Variants in PCDHGC3 observed in about 807,000 individuals in gnomAD.
PCDHGC3 encodes protocadherin gamma subfamily C, 3.
Under a neutral mutation model 59.2 loss-of-function variants are expected in PCDHGC3, and 26 were observed. That is an observed-to-expected ratio of 0.44 (90% CI 0.32 to 0.61). PCDHGC3 has a LOEUF of 0.61. PCDHGC3 is among the 20% of genes least tolerant of loss of function. The probability of loss-of-function intolerance (pLI) is 0.05; values close to 1 mark genes in which losing one functional copy is unlikely to be tolerated. For synonymous variants in PCDHGC3, 487 were observed against 519.7 expected (o/e 0.94, Z 0.86); for missense variants, 1,080 against 1,221.8 (o/e 0.88, Z 1.73).
Position 141,491,815 on chromosome 5 carries a change from C to T in PCDHGC3, c.2431-2992C>T. The T allele has an allele frequency of 6.7e-7, 1 of 1,485,264 alleles. No individual in the cohort carries two copies. Among genetic ancestry groups the T allele is most frequent in the African/African-American group, 1.4e-5 (1 of 70,622 alleles). The allele number at this position is 1,485,264 out of a possible 1,614,324, so 92.0% of individuals were successfully genotyped here. ...CCTCTCCGGCCGGCTTGGTCGCTGGCTGCGCTCCACCCGATTCTCGGGATC... is the reference window on the plus strand; with the variant it reads ...CCTCTCCGGCCGGCTTGGTCGCTGGTTGCGCTCCACCCGATTCTCGGGATC... On this transcript the variant is annotated intron_variant, in intron 1 of 3. Coordinates refer to ENST00000308177, the MANE Select transcript of PCDHGC3 (RefSeq NM_002588.4). This position sits in a 1 kb window ranked among gnomAD's most constrained non-coding sequence, Gnocchi z 6.9.
At chr5:141,509,015 C>G (rs1370464396) in intron 3 of PCDHGC3, among the ~76,000 whole-genome samples, 2 of 152,098 alleles carry the variant, frequency 1.3e-5, no homozygotes, top group African/African-American at 4.8e-5. Context: ...AAGTGGGCAG[C>G]TGCTCCCTCC....
At position 141,485,396 on chromosome 5, in the gene PCDHGC3, T is replaced by C. The variant is rs1466959644; in HGVS notation, c.2430+6850T>C. 2.5e-6 allele frequency: 4 copies of C among 1,614,042 alleles called. No homozygotes were observed. Among genetic ancestry groups the C allele is most frequent in the Non-Finnish European group, 3.4e-6 (4 of 1,179,960 alleles). On this transcript the variant is annotated intron_variant, in intron 1 of 3. Coordinates refer to ENST00000308177, the MANE Select transcript of PCDHGC3 (RefSeq NM_002588.4). The surrounding 1 kb of genome is among the most constrained non-coding windows in gnomAD (Gnocchi z 5.7). ...CGCTGGAGAGGTGAACCAAAGACAC[T>C]TCCGTGTGGATTTGGACAGCGGAGC...
rs775104626 is a variant in PCDHGC3, at chr5:141,486,636, C to T, written c.2430+8090C>T. On this transcript the variant is annotated intron_variant, in intron 1 of 3. Transcript: ENST00000308177. This position sits in a 1 kb window ranked among gnomAD's most constrained non-coding sequence, Gnocchi z 5.0. ...TCTGACCCAGACTCTGGCTTGAATG[C>T]GCTTATCTCCTACTCACTCCTGGAG... 7 of 1,613,540 alleles carry T rather than the reference C, an allele frequency of 4.3e-6. No individual in the cohort carries two copies. The highest frequency in any genetic ancestry group is 1.3e-5 in the African/African-American group (1 of 74,926).
rs2099642802 is a variant in PCDHGC3, at chr5:141,487,311, CTAAG to C, written c.2431-7494_2431-7491del. The C allele has an allele frequency of 1.2e-6, 2 of 1,614,058 alleles. No individual in the cohort carries two copies. On this transcript the variant is annotated intron_variant, in intron 1 of 3. Coordinates refer to ENST00000308177, the MANE Select transcript of PCDHGC3 (RefSeq NM_002588.4). This position sits in a 1 kb window ranked among gnomAD's most constrained non-coding sequence, Gnocchi z 5.0. ...TTTGGCTCATTCGTGGCACTACTCTCTAAGTGTCTTCGTGGGGCAGCCTGTGGAG... is the reference window on the plus strand; with the variant it reads ...TTTGGCTCATTCGTGGCACTACTCTCTGTCTTCGTGGGGCAGCCTGTGGAG...
At position 141,505,406 on chromosome 5, in the gene PCDHGC3, G is replaced by A. The variant is rs546453598; in HGVS notation, c.2503G>A (p.Asp835Asn). 61 of 1,614,174 alleles carry A rather than the reference G, an allele frequency of 3.8e-5. No individual in the cohort carries two copies. The highest frequency in any genetic ancestry group is 1.1e-4 in the East Asian group (5 of 44,866). ...RPGTSGSQNG[D>N]DTGTWPNNQF... Reference sequence around the variant, plus strand: ...CTCTCTCCCCAGCTCCCAAAATGGCGATGACACCGGCACCTGGCCCAACAA... The same window carrying A: ...CTCTCTCCCCAGCTCCCAAAATGGCAATGACACCGGCACCTGGCCCAACAA... Residue 835 changes from aspartate to asparagine, a missense_variant, in exon 3 of 4, where the codon GAT (aspartate) becomes AAT (asparagine). Transcript: ENST00000308177.
rs2154594676 is a variant in PCDHGC3, at chr5:141,511,333, G to A, written c.*160G>A. 6.9e-7 allele frequency: 1 copy of A among 1,441,948 alleles called. No homozygotes were observed. Among genetic ancestry groups the A allele is most frequent in the Non-Finnish European group, 9.2e-7 (1 of 1,085,894 alleles). The allele number at this position is 1,441,948 out of a possible 1,614,324, so 89.3% of individuals were successfully genotyped here. On this transcript the variant is annotated 3_prime_UTR_variant, in exon 4 of 4. Transcript: ENST00000308177. Reference sequence around the variant, plus strand: ...GGAAACAGAAACAAGTGCCCAGTCAGCACCTACCCCTTCCCCCCCAGGGGG... The same window carrying A: ...GGAAACAGAAACAAGTGCCCAGTCAACACCTACCCCTTCCCCCCCAGGGGG...
In PCDHGC3 at chr5:141,491,081, C is replaced by T; in HGVS notation, c.2431-3726C>T. The T allele has an allele frequency of 6.2e-7, 1 of 1,614,176 alleles. No individual in the cohort carries two copies. The highest frequency in any genetic ancestry group is 8.5e-7 in the Non-Finnish European group (1 of 1,180,010). On this transcript the variant is annotated intron_variant, in intron 1 of 3. Coordinates refer to ENST00000308177, the MANE Select transcript of PCDHGC3 (RefSeq NM_002588.4). The surrounding 1 kb of genome is among the most constrained non-coding windows in gnomAD (Gnocchi z 6.9). Reference sequence around the variant, plus strand: ...TCCTACTCACTGTTGCCACAGTCCACAGCCCCAGGACTGTTCCTCGTGTCT... The same window carrying T: ...TCCTACTCACTGTTGCCACAGTCCATAGCCCCAGGACTGTTCCTCGTGTCT...
chr5:141,491,332 C>T lies in PCDHGC3; in HGVS notation c.2431-3475C>T, dbSNP rs1013118722. 2 of 1,614,072 alleles carry T rather than the reference C, an allele frequency of 1.2e-6. No individual in the cohort carries two copies. The highest frequency in any genetic ancestry group is 2.7e-5 in the African/African-American group (2 of 74,944). On this transcript the variant is annotated intron_variant, in intron 1 of 3. Coordinates refer to ENST00000308177, the MANE Select transcript of PCDHGC3 (RefSeq NM_002588.4). This position sits in a 1 kb window ranked among gnomAD's most constrained non-coding sequence, Gnocchi z 6.9. ...CCTTACCCTTTACCTCATTGTGGCT[C>T]TAGCGACCGTCAGTCTCTTATCCCT...
rs1054594374 is a variant in PCDHGC3 at position 141,489,607 on chromosome 5, A to G, written c.2431-5200A>G. On this transcript the variant is annotated intron_variant, in intron 1 of 3. Coordinates refer to ENST00000308177, the MANE Select transcript of PCDHGC3 (RefSeq NM_002588.4). This position sits in a 1 kb window ranked among gnomAD's most constrained non-coding sequence, Gnocchi z 4.5. ...GGAGCTAATCCGTGTAGAGGTAGAG[A>G]TCCTGGATCTCAATGACAACTCTCC... The G allele has an allele frequency of 6.2e-6, 10 of 1,613,850 alleles. No homozygotes were observed. The highest frequency in any genetic ancestry group is 8.5e-6 in the Non-Finnish European group (10 of 1,179,956).
chr5:141,511,400 T>A lies in PCDHGC3; in HGVS notation c.*227T>A, dbSNP rs1208021848. On this transcript the variant is annotated 3_prime_UTR_variant, in exon 4 of 4. Coordinates refer to ENST00000308177, the MANE Select transcript of PCDHGC3 (RefSeq NM_002588.4). ...AGTTCCGCTGGGAACCCCCATCCAA[T>A]CAACTGCTGTACCCATGGGGGTAGT... 1.1e-5 allele frequency: 11 copies of A among 982,132 alleles called. No individual in the cohort carries two copies. Among genetic ancestry groups the A allele is most frequent in the African/African-American group, 3.3e-5 (2 of 60,924 alleles). 60.8% of individuals were successfully genotyped at this position (982,132 alleles called of 1,614,324 possible).
Position 141,485,785 on chromosome 5 carries a change from G to C in PCDHGC3, c.2430+7239G>C. ...TGGAGAAGCCTTTGGATCGAGAGAAGCAATCGGACTACCGCCTGGTGCTGA... is the reference window on the plus strand; with the variant it reads ...TGGAGAAGCCTTTGGATCGAGAGAACCAATCGGACTACCGCCTGGTGCTGA... On this transcript the variant is annotated intron_variant, in intron 1 of 3. Coordinates refer to ENST00000308177, the MANE Select transcript of PCDHGC3 (RefSeq NM_002588.4). The surrounding 1 kb of genome is among the most constrained non-coding windows in gnomAD (Gnocchi z 5.7). The C allele has an allele frequency of 1.2e-6, 2 of 1,614,214 alleles. No individual in the cohort carries two copies. The highest frequency in any genetic ancestry group is 1.7e-6 in the Non-Finnish European group (2 of 1,180,030).
intron 3 of PCDHGC3, 79 bp downstream of exon 3, chr5:141,505,560 G>A: frequency 6.2e-7 from 1 of 1,604,768 alleles, no homozygotes; most frequent in South Asian, 1.1e-5. Context: ...CATGCCCACG[G>A]ACTGGATGTC....
rs999463482 is a variant in PCDHGC3, at chr5:141,506,400, T to C, written c.2578+919T>C. ...GGAGGTGGCTGTGGTGAGCAGAAAATCGCACCACTGCACTCCAGCCTGGGC... is the reference window on the plus strand; with the variant it reads ...GGAGGTGGCTGTGGTGAGCAGAAAACCGCACCACTGCACTCCAGCCTGGGC... On this transcript the variant is annotated intron_variant, in intron 3 of 3. Coordinates refer to ENST00000308177, the MANE Select transcript of PCDHGC3 (RefSeq NM_002588.4). 1.2e-4 allele frequency among the ~76,000 whole-genome samples: 16 copies of C among 135,754 alleles called. No homozygotes were observed. In the Admixed American group the frequency reaches 1.3e-3, roughly 11 times the overall value. The allele number at this position is 135,754 out of a possible 152,430, so 89.1% of individuals were successfully genotyped here.
In PCDHGC3 at chr5:141,476,686, C is replaced by T. The variant is rs138480390; in HGVS notation, c.570C>T (p.Ser190=). Residue 190 remains serine (S), a synonymous_variant, in exon 1 of 4, where the codon AGC becomes AGT. Coordinates refer to ENST00000308177, the MANE Select transcript of PCDHGC3 (RefSeq NM_002588.4). The surrounding 1 kb of genome is among the most constrained non-coding windows in gnomAD (Gnocchi z 7.6). ...FALRVQTRED[S]TKYAELVLER... is the part of the protein sequence containing the mutation. ...TTCGCGTGCAGACGCGGGAGGACAGCACCAAGTACGCGGAGCTGGTGTTGG... is the reference window on the plus strand; with the variant it reads ...TTCGCGTGCAGACGCGGGAGGACAGTACCAAGTACGCGGAGCTGGTGTTGG... 6.2e-7 allele frequency: 1 copy of T among 1,614,126 alleles called. No homozygotes were observed. The highest frequency in any genetic ancestry group is 1.3e-5 in the African/African-American group (1 of 74,952).
At chr5:141,502,309 T>G (rs1395136136) in intron 2 of PCDHGC3, among the ~76,000 whole-genome samples, 2 of 152,196 alleles carry the variant, frequency 1.3e-5, no homozygotes, top group Admixed American at 6.5e-5. Flanking sequence ...TTTCCTCTCC[T>G]TTAATCTGGA....
chr5:141,497,626 G>T (rs1373764805), intron 2 of PCDHGC3, among the ~76,000 whole-genome samples: 3 of 149,502 alleles, frequency 2.0e-5, no homozygotes, highest in Non-Finnish European at 4.4e-5. Flanking sequence ...TGCAACCTCT[G>T]CCTGCCAGGT....
intron 3 of PCDHGC3, among the ~76,000 whole-genome samples, chr5:141,507,893 G>C (rs750472786): frequency 2.2e-4 from 33 of 152,356 alleles, no homozygotes; most frequent in Non-Finnish European, 4.1e-4. Context: ...AGAGGTTCCT[G>C]AAGTCCAGCC....
In PCDHGC3 at chr5:141,490,309, A is replaced by G. The variant is rs1485303337; in HGVS notation, c.2431-4498A>G. On this transcript the variant is annotated intron_variant, in intron 1 of 3. Transcript: ENST00000308177. The surrounding 1 kb of genome is among the most constrained non-coding windows in gnomAD (Gnocchi z 5.4). ...AGAGGTGCTATTGGCCTCTTTGGCCAACCCTGTCCTAGAGAGCACACCAGT... is the reference window on the plus strand; with the variant it reads ...AGAGGTGCTATTGGCCTCTTTGGCCGACCCTGTCCTAGAGAGCACACCAGT... The G allele has an allele frequency of 2.8e-5, 46 of 1,614,126 alleles. No homozygotes were observed. Among genetic ancestry groups the G allele is most frequent in the Non-Finnish European group, 3.8e-5 (45 of 1,180,056 alleles).
In PCDHGC3 at chr5:141,509,418, A is replaced by G. The variant is rs767758113; in HGVS notation, c.2579-1529A>G. Among the ~76,000 whole-genome samples the G allele has an allele frequency of 2.6e-5, 4 of 152,188 alleles. No individual in the cohort carries two copies. The South Asian group carries it at 6.2e-4, about 24-fold the overall frequency. ...TCAGGGCCTCCAGCAGCGAGCCCCA[A>G]TGAGTCAAACTCTTGTTTCCTCCTC... On this transcript the variant is annotated intron_variant, in intron 3 of 3. Transcript: ENST00000308177.
Sources: gnomAD v4.1 joint callset for allele counts (sites outside exome capture counted in the v4.1 genomes callset) on GRCh38, gnomAD v4.1.1 for gene constraint, Gnocchi (gnomAD v3.1) non-coding constraint, MANE v1.5 for transcripts, NCBI Gene and HGNC (gene_info 2026-07-23, HGNC 2026-07-21) for gene names.